CDH4: variants seen among roughly 807,000 people sequenced by gnomAD.
The protein encoded by CDH4 is cadherin-4.
CDH4 carries 33 observed loss-of-function variants against 86.0 expected under a neutral mutation model. The observed-to-expected ratio is 0.38, with a 90% CI of 0.29 to 0.51. The LOEUF is 0.51. CDH4 is among the 20% of genes least tolerant of loss of function. CDH4 has a pLI of 0.86. For synonymous variants in CDH4, 555 were observed against 549.4 expected (o/e 1.01, Z -0.14); for missense variants, 1,114 against 1,307.4 (o/e 0.85, Z 2.28).
intron 2 of CDH4, among the ~76,000 whole-genome samples, chr20:61,632,503 G>A (rs2086898426): frequency 6.6e-6 from 1 of 152,082 alleles, no homozygotes; most frequent in Non-Finnish European, 1.5e-5. Context: ...CTTTCACACA[G>A]GGAACCTCAA....
At chr20:61,608,490 C>T (rs146642740) in intron 2 of CDH4, among the ~76,000 whole-genome samples, 32 of 152,324 alleles carry the variant, frequency 2.1e-4, no homozygotes, top group Non-Finnish European at 4.1e-4. Context: ...CTGGACAGTT[C>T]TCCAGGTCTC....
chr20:61,275,087 TTGGGGGAGTAC>T (rs1299874091), intron 2 of CDH4, among the ~76,000 whole-genome samples: 3 of 88,148 alleles, frequency 3.4e-5, no homozygotes, highest in South Asian at 4.5e-4. Flanking sequence ...CATGTGTAGT[TTGGGGGAGTAC>T]TGGGGGAGTA....
intron 15 of CDH4, among the ~76,000 whole-genome samples, chr20:61,935,942 T>C (rs577213525): frequency 6.6e-6 from 1 of 152,068 alleles, no homozygotes; most frequent in East Asian, 1.9e-4. Flanking sequence ...TTAGGAGAAA[T>C]TAAAAATGAA....
chr20:61,450,495 T>C (rs2085373552), intron 2 of CDH4, among the ~76,000 whole-genome samples: 1 of 152,218 alleles, frequency 6.6e-6, no homozygotes, highest in Non-Finnish European at 1.5e-5. Context: ...TTATTTCATC[T>C]GTGCTGGGTC....
chr20:61,531,493 AAAG>A (rs1231438880), intron 2 of CDH4, among the ~76,000 whole-genome samples: 20,806 of 127,022 alleles, frequency 0.16, 1,720 homozygotes, highest in East Asian at 0.35. Flanking sequence ...AAAAAAAAAA[AAAG>A]GGATTTAGCA....
intron 2 of CDH4, among the ~76,000 whole-genome samples, chr20:61,721,928 C>G (rs1305711060): frequency 6.6e-6 from 1 of 152,106 alleles, no homozygotes; most frequent in African/African-American, 2.4e-5. Flanking sequence ...TCTCCATTGG[C>G]CCTTTCAGAG....
chr20:61,642,510 C>T lies in CDH4; in HGVS notation c.170-101053C>T, dbSNP rs116680708. On this transcript the variant is annotated intron_variant, in intron 2 of 15. Coordinates refer to ENST00000614565, the MANE Select transcript of CDH4 (RefSeq NM_001794.5). ...GCCAGAGCCAGGTTGTATCTGCAGG[C>T]GAGAACTTGGGGTTTTACTTGGAGC... Among the ~76,000 whole-genome samples, 649 of 152,246 alleles carry T rather than the reference C, an allele frequency of 4.3e-3. 5 individuals carry two copies. The highest frequency in any genetic ancestry group is 0.015 in the African/African-American group (609 of 41,534).
At chr20:61,695,178 A>G (rs910721779) in intron 2 of CDH4, among the ~76,000 whole-genome samples, 1 of 152,250 alleles carries the variant, frequency 6.6e-6, no homozygotes, top group Non-Finnish European at 1.5e-5. Context: ...ACTTAGAGTA[A>G]TTAGCAACTT....
intron 2 of CDH4, among the ~76,000 whole-genome samples, chr20:61,543,135 A>G (rs2086052947): frequency 6.6e-6 from 1 of 152,176 alleles, no homozygotes; most frequent in African/African-American, 2.4e-5. Flanking sequence ...AGCTGATTAG[A>G]TGGTGCCCAG....
chr20:61,705,792 C>G (rs1379194407), intron 2 of CDH4, among the ~76,000 whole-genome samples: 3 of 152,236 alleles, frequency 2.0e-5, no homozygotes, highest in Non-Finnish European at 4.4e-5. Flanking sequence ...CCTGCAGAAT[C>G]GCCGACAGGC....
intron 2 of CDH4, among the ~76,000 whole-genome samples, chr20:61,673,792 G>A (rs928522647): frequency 7.9e-5 from 12 of 152,116 alleles, no homozygotes; most frequent in Admixed American, 2.0e-4. Context: ...CAAATAACAC[G>A]CGCAAATTAC....
Position 61,288,763 on chromosome 20 carries a change from G to A in CDH4, c.169+33826G>A, listed in dbSNP as rs183175651. On this transcript the variant is annotated intron_variant, in intron 2 of 15. Transcript: ENST00000614565. The stretch of plus-strand genomic sequence containing the variant: ...TCGAGCACGCCTGCCCGGCGCTGAC[G>A]TTGCCGGCTGCTCCACAAAGCAGGG... Among the ~76,000 whole-genome samples, 210 of 152,360 alleles carry A rather than the reference G, an allele frequency of 1.4e-3. 1 individual carries two copies. The highest frequency in any genetic ancestry group is 1.7e-3 in the Non-Finnish European group (113 of 68,034).
chr20:61,905,776 GA>G (rs2054782125), intron 8 of CDH4, among the ~76,000 whole-genome samples: 1 of 152,198 alleles, frequency 6.6e-6, no homozygotes, highest in Non-Finnish European at 1.5e-5. Context: ...AGGAGGCCAG[GA>G]AAGTGGATAT....
chr20:61,764,178 G>A (rs2088671510), intron 3 of CDH4, among the ~76,000 whole-genome samples: 1 of 152,216 alleles, frequency 6.6e-6, no homozygotes, highest in Non-Finnish European at 1.5e-5. Context: ...CAAGAAGCCG[G>A]CAGGGCAGAA....
At chr20:61,509,227 G>A (rs1238519249) in intron 2 of CDH4, among the ~76,000 whole-genome samples, 1 of 152,018 alleles carries the variant, frequency 6.6e-6, no homozygotes, top group Non-Finnish European at 1.5e-5. Context: ...CCTTGTCAGG[G>A]TCTAAGCAGA....
At chr20:61,758,644 C>T (rs149068176) in intron 3 of CDH4, among the ~76,000 whole-genome samples, 471 of 152,276 alleles carry the variant, frequency 3.1e-3, no homozygotes, top group Non-Finnish European at 4.4e-3. Flanking sequence ...CAGGACTGCA[C>T]GTGGCACCGC....
chr20:61,775,888 A>G (rs7272534), intron 4 of CDH4, among the ~76,000 whole-genome samples: 79,446 of 151,862 alleles, frequency 0.52, 20,958 homozygotes, highest in East Asian at 0.71. Context: ...GCTCTGCTCC[A>G]CAGATAGGCT....
intron 2 of CDH4, among the ~76,000 whole-genome samples, chr20:61,295,851 G>A (rs903712947): frequency 2.6e-4 from 39 of 152,190 alleles, no homozygotes; most frequent in Admixed American, 2.0e-3. Flanking sequence ...GTGTCCTGGG[G>A]TCCCCGGCCG....
At chr20:61,302,269 C>T (rs955346471) in intron 2 of CDH4, among the ~76,000 whole-genome samples, 16 of 152,182 alleles carry the variant, frequency 1.1e-4, no homozygotes, top group Non-Finnish European at 2.4e-4. Context: ...CCACTGGGGA[C>T]CTTGTCACGT....
Sources: allele counts gnomAD v4.1 joint callset (sites outside exome capture counted in the v4.1 genomes callset), GRCh38; gene constraint gnomAD v4.1.1; transcripts MANE v1.5; gene names NCBI Gene and HGNC (gene_info 2026-07-23, HGNC 2026-07-21).